Variants in MALRD1 observed in about 807,000 individuals in gnomAD.
The protein encoded by MALRD1 is MAM and LDL-receptor class A domain-containing protein 1.
MALRD1 carries 247 observed loss-of-function variants against 242.1 expected under a neutral mutation model. The observed-to-expected ratio is 1.02, with a 90% CI of 0.92 to 1.13. The LOEUF (loss-of-function observed/expected upper bound fraction) is 1.13. Ranked by LOEUF, MALRD1 falls within the 50% of genes most tolerant of loss-of-function variation. The pLI is 0.00. For synonymous variants in MALRD1, 995 were observed against 866.6 expected (o/e 1.15, Z -2.60); for missense variants, 2,989 against 2,533.1 (o/e 1.18, Z -3.86).
Position 19,237,968 on chromosome 10 carries a change from C to T in MALRD1, c.2992-19716C>T, listed in dbSNP as rs188309865. 5.9e-3 allele frequency among the ~76,000 whole-genome samples: 26 copies of T among 4,432 alleles called. 1 individual carries two copies. Among genetic ancestry groups the T allele is most frequent in the African/African-American group, 8.4e-3 (13 of 1,556 alleles). The allele number at this position is 4,432 out of a possible 152,430, so 2.9% of individuals were successfully genotyped here. A position where few individuals can be genotyped will look rare whatever the true frequency, so the allele number is the denominator to read the frequency against. On this transcript the variant is annotated intron_variant, in intron 18 of 39. Transcript: ENST00000454679. ...TATATAAATTATATGTAATTTTATA[C>T]AGTTATATATAATTATATGTAATTT...
intron 35 of MALRD1, among the ~76,000 whole-genome samples, chr10:19,611,606 A>G (rs1838899625): frequency 6.6e-6 from 1 of 151,984 alleles, no homozygotes; most frequent in African/African-American, 2.4e-5. Context: ...GCTAATGGTA[A>G]TATTATCCCA....
At chr10:19,169,045 A>G (rs1834813503) in intron 13 of MALRD1, among the ~76,000 whole-genome samples, 2 of 152,198 alleles carry the variant, frequency 1.3e-5, no homozygotes, top group Admixed American at 1.3e-4. Context: ...GCAATTTAGA[A>G]AATTAAATTT....
intron 38 of MALRD1, among the ~76,000 whole-genome samples, chr10:19,728,923 C>A (rs7100283): frequency 0.36 from 54,588 of 151,982 alleles, 11,274 homozygotes; most frequent in Admixed American, 0.46. Context: ...ACACAACTTA[C>A]TCAAATTAAT....
rs529834702 is a variant in MALRD1 at position 19,315,889 on chromosome 10, C to T, written c.3420-8060C>T. Among the ~76,000 whole-genome samples, 457 of 147,440 alleles carry T rather than the reference C, an allele frequency of 3.1e-3. 4 individuals carry two copies. Among genetic ancestry groups the T allele is most frequent in the African/African-American group, 0.011 (440 of 40,428 alleles). On this transcript the variant is annotated intron_variant, in intron 21 of 39. Transcript: ENST00000454679. The stretch of plus-strand genomic sequence containing the variant: ...ACTTATAAATAGTTATATTATTTTA[C>T]TAAAATGGTACAATTTTACTAAAAT...
Position 19,331,391 on chromosome 10 carries a change from G to T in MALRD1, c.3710G>T (p.Gly1237Val), listed in dbSNP as rs1362031753. The part of the protein sequence containing the change: ...HTQIVFRAKR[G>V]ISYIGDVAVD... ...TAGATTGTCTTCAGAGCCAAACGTGGTATCAGTTACATAGGAGATGTAGCA... is the reference window on the plus strand; with the variant it reads ...TAGATTGTCTTCAGAGCCAAACGTGTTATCAGTTACATAGGAGATGTAGCA... The change falls in exon 24 of 40, where the codon GGT becomes GTT. Residue 1237 changes from glycine (G) to valine (V), a missense_variant. Physicochemically the swap from Gly to Val is moderately radical, Grantham distance 109 (BLOSUM62 -3). Transcript: ENST00000454679. 1 of 1,550,332 alleles carries T rather than the reference G, an allele frequency of 6.5e-7. No individual in the cohort carries two copies. The highest frequency in any genetic ancestry group is 8.7e-7 in the Non-Finnish European group (1 of 1,146,806).
chr10:19,086,327 A>C (rs922842570), intron 2 of MALRD1, among the ~76,000 whole-genome samples: 1 of 152,132 alleles, frequency 6.6e-6, no homozygotes, highest in South Asian at 2.1e-4. Flanking sequence ...CCACTGAATA[A>C]CTTAGGTAGC....
At chr10:19,296,063 T>A (rs1445486585) in intron 21 of MALRD1, among the ~76,000 whole-genome samples, 1 of 151,982 alleles carries the variant, frequency 6.6e-6, no homozygotes, top group Admixed American at 6.6e-5. Flanking sequence ...GAAATCAGAA[T>A]CTTGATGGTG....
chr10:19,465,086 T>G (rs1187108434), intron 29 of MALRD1, among the ~76,000 whole-genome samples: 1 of 152,140 alleles, frequency 6.6e-6, no homozygotes, highest in Non-Finnish European at 1.5e-5. Context: ...TTTGCTGAAT[T>G]TATCAGTTTT....
chr10:19,608,533 A>G (rs1023448944), intron 35 of MALRD1, among the ~76,000 whole-genome samples: 1 of 152,176 alleles, frequency 6.6e-6, no homozygotes, highest in Middle Eastern at 3.4e-3. Flanking sequence ...CATGGATGAT[A>G]TATAAAATAA....
chr10:19,376,272 C>T (rs904804110), intron 26 of MALRD1, among the ~76,000 whole-genome samples: 3 of 152,114 alleles, frequency 2.0e-5, no homozygotes, highest in African/African-American at 4.8e-5. Context: ...AGATTTCTAC[C>T]TTTATTTAAT....
intron 32 of MALRD1, among the ~76,000 whole-genome samples, chr10:19,539,138 C>G (rs1034742978): frequency 6.6e-6 from 1 of 152,114 alleles, no homozygotes; most frequent in Non-Finnish European, 1.5e-5. Flanking sequence ...CAGATGGTTA[C>G]GATATGCCAT....
In MALRD1 at chr10:19,295,762, C is replaced by T. The variant is rs550250938; in HGVS notation, c.3419+12581C>T. On this transcript the variant is annotated intron_variant, in intron 21 of 39. Coordinates refer to ENST00000454679, the MANE Select transcript of MALRD1 (RefSeq NM_001142308.3). ...TCAACACTGTAGCCCTAGTACCTAG[C>T]AAAGCACATTCCACCTGTGCTGTAT... Among the ~76,000 whole-genome samples the T allele has an allele frequency of 2.0e-5, 3 of 152,242 alleles. No homozygotes were observed. The East Asian group carries it at 5.8e-4, about 29-fold the overall frequency.
chr10:19,224,738 C>A (rs902455723), intron 18 of MALRD1, among the ~76,000 whole-genome samples: 1 of 151,982 alleles, frequency 6.6e-6, no homozygotes, highest in Admixed American at 6.6e-5. Flanking sequence ...GATATTAGCC[C>A]TTTGTTAGAT....
chr10:19,188,208 C>T (rs1484819774), intron 14 of MALRD1, among the ~76,000 whole-genome samples: 2 of 152,068 alleles, frequency 1.3e-5, no homozygotes, highest in African/African-American at 4.8e-5. Context: ...GTTATTGATG[C>T]CCATCGTCAA....
intron 14 of MALRD1, among the ~76,000 whole-genome samples, chr10:19,177,978 C>T (rs1835333856): frequency 6.6e-6 from 1 of 152,092 alleles, no homozygotes; most frequent in Admixed American, 6.5e-5. Context: ...TCAGAGTGAC[C>T]TTGCTCCTGG....
At chr10:19,428,817 T>C (rs1304008682) in intron 28 of MALRD1, among the ~76,000 whole-genome samples, 2 of 152,242 alleles carry the variant, frequency 1.3e-5, no homozygotes, top group South Asian at 2.1e-4. Context: ...CTGTAGACTC[T>C]TTTAGATTTG....
At chr10:19,650,510 A>C (rs1286549105) in intron 36 of MALRD1, among the ~76,000 whole-genome samples, 2 of 152,182 alleles carry the variant, frequency 1.3e-5, no homozygotes, top group Non-Finnish European at 2.9e-5. Context: ...GACAACTAAC[A>C]CCTTATAGAA....
chr10:19,357,121 T>C (rs202042651), intron 26 of MALRD1, among the ~76,000 whole-genome samples: 1 of 137,124 alleles, frequency 7.3e-6, no homozygotes, highest in Non-Finnish European at 1.6e-5. Context: ...AAAAAAAAAA[T>C]AAAAAACAAA....
upstream of MALRD1, among the ~76,000 whole-genome samples, chr10:19,047,770 A>G (rs377456909): frequency 3.3e-5 from 5 of 152,106 alleles, no homozygotes; most frequent in Non-Finnish European, 4.4e-5. Context: ...AAATGTATGT[A>G]TATACTTTTT....
Sources: gnomAD v4.1 joint callset for allele counts (sites outside exome capture counted in the v4.1 genomes callset) on GRCh38, gnomAD v4.1.1 for gene constraint, MANE v1.5 for transcripts, NCBI Gene and HGNC (gene_info 2026-07-23, HGNC 2026-07-21) for gene names.